DRAM1: variants seen among roughly 807,000 people sequenced by gnomAD.
The protein encoded by DRAM1 is DNA damage-regulated autophagy modulator protein 1.
DRAM1 carries 25 observed loss-of-function variants against 28.5 expected under a neutral mutation model. The ratio of observed to expected loss-of-function variants is 0.88; its 90% CI spans 0.64 to 1.23. DRAM1 has a LOEUF of 1.23. Among genes scored for constraint, DRAM1 ranks in the 50% most tolerant of loss-of-function variants. The pLI is 0.00. For missense variants in DRAM1, 249 were observed against 299.2 expected, an observed-to-expected ratio of 0.83 and a Z score of 1.24; for synonymous variants, 113 against 114.2, an observed-to-expected ratio of 0.99 and a Z score of 0.07.
Position 101,887,111 on chromosome 12 carries a change from C to T in DRAM1, c.131+9191C>T, listed in dbSNP as rs1398262355. On this transcript the variant is annotated intron_variant, in intron 1 of 6. Coordinates refer to ENST00000258534, the MANE Select transcript of DRAM1 (RefSeq NM_018370.3). ...TGTGAGCTGAGATTGTGCCATTGCA[C>T]TCCAGCCTGGGCGACAAGAGTGAAA... Among the ~76,000 whole-genome samples the T allele has an allele frequency of 2.7e-5, 4 of 147,302 alleles. No individual in the cohort carries two copies. The Admixed American group carries it at 2.7e-4, about 10-fold the overall frequency.
At chr12:101,907,674 G>T (rs1339037328) in intron 3 of DRAM1, among the ~76,000 whole-genome samples, 10 of 152,198 alleles carry the variant, frequency 6.6e-5, no homozygotes, top group Admixed American at 6.5e-4. Flanking sequence ...GGGTGGCGGA[G>T]GTTGCAGTGA....
rs57567110 is a variant in DRAM1 at position 101,877,656 on chromosome 12, C to T, written c.-134C>T. The stretch of plus-strand genomic sequence containing the variant: ...TCCCCTCCCTCCGGGGCTGGGCCTG[C>T]CCCGGCCGTCGCGGAGCCTCCCCTC... On this transcript the variant is annotated 5_prime_UTR_variant, in exon 1 of 7. Transcript: ENST00000258534. This position sits in a 1 kb window ranked among gnomAD's most constrained non-coding sequence, Gnocchi z 4.1. 0.018 allele frequency: 10,500 copies of T among 580,680 alleles called. 775 individuals are homozygous for T. The East Asian group carries it at 0.21, about 12-fold the overall frequency. 36.0% of individuals were successfully genotyped at this position (580,680 alleles called of 1,614,324 possible). A position where few individuals can be genotyped will look rare whatever the true frequency, so the allele number is the denominator to read the frequency against.
rs371158527 is a variant in DRAM1, at chr12:101,902,787, A to T, written c.342+1354A>T. Among the ~76,000 whole-genome samples the T allele has an allele frequency of 5.8e-4, 88 of 152,342 alleles. 1 individual carries two copies. Among genetic ancestry groups the T allele is most frequent in the South Asian group, 4.1e-3 (20 of 4,830 alleles). On this transcript the variant is annotated intron_variant, in intron 3 of 6. Coordinates refer to ENST00000258534, the MANE Select transcript of DRAM1 (RefSeq NM_018370.3). ...AAGTGTTTGACTTGTCATTGTTCCG[A>T]TAACTGTATCTTTACAACTTCCTTG...
chr12:101,920,738 C>T (rs7316061), intron 6 of DRAM1, among the ~76,000 whole-genome samples: 5 of 151,946 alleles, frequency 3.3e-5, no homozygotes, highest in East Asian at 3.9e-4. Context: ...ATGGAGAAAC[C>T]CCGTCTCTAC....
chr12:101,913,475 G>A (rs1437764541), intron 4 of DRAM1, among the ~76,000 whole-genome samples: 1 of 152,046 alleles, frequency 6.6e-6, no homozygotes, highest in Non-Finnish European at 1.5e-5. Context: ...GGAGGCCGAG[G>A]TGGGCAGATC....
rs1874547215 is a variant in DRAM1, at chr12:101,923,135, T to C, written c.*1875T>C. The stretch of plus-strand genomic sequence containing the variant: ...AAATGAATAAAGAGAATGCTAATCA[T>C]TTCTGGGTTCACTGCGACTCACTGT... On this transcript the variant is annotated 3_prime_UTR_variant, in exon 7 of 7. Coordinates refer to ENST00000258534, the MANE Select transcript of DRAM1 (RefSeq NM_018370.3). 1 of 152,096 alleles carries C rather than the reference T, an allele frequency of 6.6e-6. No homozygotes were observed. The highest frequency in any genetic ancestry group is 2.4e-5 in the African/African-American group (1 of 41,364). 9.4% of individuals were successfully genotyped at this position (152,096 alleles called of 1,614,324 possible).
At chr12:101,891,619 C>T (rs1009960135) in intron 1 of DRAM1, among the ~76,000 whole-genome samples, 7 of 152,344 alleles carry the variant, frequency 4.6e-5, no homozygotes, top group African/African-American at 7.2e-5. Context: ...TGGACATAAA[C>T]GGATTTCCTA....
chr12:101,914,831 A>G (rs746171678), intron 5 of DRAM1, among the ~76,000 whole-genome samples: 6 of 150,220 alleles, frequency 4.0e-5, no homozygotes, highest in Non-Finnish European at 7.4e-5. Flanking sequence ...TAATTTTTGT[A>G]TTTTTAGTAG....
At chr12:101,888,930 A>G (rs1427892448) in intron 1 of DRAM1, among the ~76,000 whole-genome samples, 2 of 150,642 alleles carry the variant, frequency 1.3e-5, no homozygotes, top group Non-Finnish European at 1.5e-5. Flanking sequence ...TCAGCCTCCC[A>G]AGTAGCTAGG....
At chr12:101,904,113 G>A (rs945741396) in intron 3 of DRAM1, among the ~76,000 whole-genome samples, 9 of 151,822 alleles carry the variant, frequency 5.9e-5, no homozygotes, top group Admixed American at 6.6e-5. Context: ...TCAGCCTCCC[G>A]AGCAGATGGT....
rs1289300611 is a variant in DRAM1 at position 101,914,193 on chromosome 12, A to G, written c.540A>G (p.Leu180=). 2 of 1,609,208 alleles carry G rather than the reference A, an allele frequency of 1.2e-6. No individual in the cohort carries two copies. Among genetic ancestry groups the G allele is most frequent in the African/African-American group, 1.3e-5 (1 of 74,738 alleles). Residue 180 remains leucine (L), a synonymous_variant, in exon 5 of 7, where the codon CTA becomes CTG. Transcript: ENST00000258534. ...AVIPMIVCAS[L]ISITKLEWNP... ...TTTCAGTGATTGTCTGTGCTTCACT[A>G]ATTTCCATAACCAAGCTGGAGTGGA...
At chr12:101,884,609 C>T (rs1025732055) in intron 1 of DRAM1, among the ~76,000 whole-genome samples, 4 of 152,310 alleles carry the variant, frequency 2.6e-5, no homozygotes, top group East Asian at 3.9e-4. Flanking sequence ...TTTATTAGCA[C>T]GTCTCACTTT....
At chr12:101,884,083 C>G (rs1872788471) in intron 1 of DRAM1, among the ~76,000 whole-genome samples, 1 of 151,714 alleles carries the variant, frequency 6.6e-6, no homozygotes, top group African/African-American at 2.4e-5. Context: ...AAGCTAATCT[C>G]AAAAAATTAG....
chr12:101,916,162 G>C (rs1427848712), intron 5 of DRAM1, among the ~76,000 whole-genome samples: 1 of 152,198 alleles, frequency 6.6e-6, no homozygotes, highest in Non-Finnish European at 1.5e-5. Context: ...AGGTGGAAGT[G>C]GATGAGTTTG....
chr12:101,907,772 T>C (rs1873878991), intron 3 of DRAM1, among the ~76,000 whole-genome samples: 1 of 152,120 alleles, frequency 6.6e-6, no homozygotes, highest in African/African-American at 2.4e-5. Context: ...GAAAATTGTA[T>C]ATGATATGTA....
chr12:101,911,034 G>A (rs1874023113), intron 4 of DRAM1, among the ~76,000 whole-genome samples: 1 of 151,968 alleles, frequency 6.6e-6, no homozygotes, highest in Non-Finnish European at 1.5e-5. Context: ...TCAGGAGTTC[G>A]GGACCAACCT....
intron 2 of DRAM1, among the ~76,000 whole-genome samples, chr12:101,900,375 G>A (rs1160218678): frequency 6.6e-6 from 1 of 152,134 alleles, no homozygotes; most frequent in African/African-American, 2.4e-5. Context: ...TTCAAATGAT[G>A]TAAGATACAA....
intron 1 of DRAM1, 111 bp downstream of exon 1, chr12:101,878,031 A>C (rs1233183007): frequency 2.3e-6 from 3 of 1,331,474 alleles, no homozygotes; most frequent in Non-Finnish European, 2.9e-6. Flanking sequence ...TCGTGTGGTC[A>C]GGCAGAGGTG....
At chr12:101,902,114 G>A (rs541072350) in intron 3 of DRAM1, among the ~76,000 whole-genome samples, 23 of 152,290 alleles carry the variant, frequency 1.5e-4, no homozygotes, top group African/African-American at 5.5e-4. Flanking sequence ...GGTATTCAAA[G>A]AGGAGGCTCC....
Sources: allele counts gnomAD v4.1 joint callset (sites outside exome capture counted in the v4.1 genomes callset), GRCh38; gene constraint gnomAD v4.1.1; non-coding constraint Gnocchi (gnomAD v3.1); transcripts MANE v1.5; gene names NCBI Gene and HGNC (gene_info 2026-07-23, HGNC 2026-07-21).